ENTHD1: variants seen among roughly 807,000 people sequenced by gnomAD.
ENTHD1 encodes ENTH domain-containing protein 1.
Under a neutral mutation model 39.1 loss-of-function variants are expected in ENTHD1, and 23 were observed. That is an observed-to-expected ratio of 0.59 (90% CI 0.42 to 0.83). ENTHD1 has a LOEUF of 0.83. ENTHD1 is among the 40% of genes least tolerant of loss of function. The probability of loss-of-function intolerance (pLI) is 0.00; values close to 1 mark genes in which losing one functional copy is unlikely to be tolerated. For synonymous variants in ENTHD1, 230 were observed against 258.2 expected, an observed-to-expected ratio of 0.89 and a Z score of 1.05; for missense variants, 624 against 705.4, an observed-to-expected ratio of 0.88 and a Z score of 1.31.
chr22:39,769,287 C>T (rs952712576), intron 5 of ENTHD1, among the ~76,000 whole-genome samples: 6 of 152,000 alleles, frequency 3.9e-5, no homozygotes, highest in African/African-American at 1.5e-4. Flanking sequence ...GACTTGGATG[C>T]AAGTAATTTG....
chr22:39,847,626 A>G (rs1293670948), intron 3 of ENTHD1, among the ~76,000 whole-genome samples: 1 of 151,880 alleles, frequency 6.6e-6, no homozygotes. Flanking sequence ...TCCTGGGCTC[A>G]AGAAATCCTT....
In ENTHD1 at chr22:39,868,819, A is replaced by C. The variant is rs577311541; in HGVS notation, c.350-6812T>G. On this transcript the variant is annotated intron_variant, in intron 2 of 6. Transcript: ENST00000325157. ...CAACTAAAAAATGGGCAAAACATGC[A>C]CAGATACTTCTCAAAAGACATACAA... 2.0e-5 allele frequency among the ~76,000 whole-genome samples: 3 copies of C among 152,364 alleles called. No individual in the cohort carries two copies. In the South Asian group the frequency reaches 6.2e-4, roughly 32 times the overall value.
intron 5 of ENTHD1, among the ~76,000 whole-genome samples, chr22:39,776,530 C>A (rs1035580904): frequency 6.6e-6 from 1 of 152,142 alleles, no homozygotes; most frequent in African/African-American, 2.4e-5. Flanking sequence ...TTGACTGATG[C>A]AAAATGGGAC....
intron 6 of ENTHD1, among the ~76,000 whole-genome samples, chr22:39,746,540 T>C (rs895921513): frequency 6.6e-6 from 1 of 152,216 alleles, no homozygotes; most frequent in Non-Finnish European, 1.5e-5. Flanking sequence ...TATGTTTAAG[T>C]GTGGAGGATT....
intron 1 of ENTHD1, among the ~76,000 whole-genome samples, chr22:39,890,232 T>C (rs1453123368): frequency 6.6e-6 from 1 of 152,026 alleles, no homozygotes; most frequent in African/African-American, 2.4e-5. Flanking sequence ...AAAGAGAAGT[T>C]GTGTTTCTAC....
At chr22:39,882,390 G>A (rs1383086040) in intron 2 of ENTHD1, among the ~76,000 whole-genome samples, 2 of 152,170 alleles carry the variant, frequency 1.3e-5, no homozygotes, top group East Asian at 1.9e-4. Context: ...CATGGACAGC[G>A]ATAAAAAAAT....
chr22:39,856,789 G>C (rs528499964), intron 3 of ENTHD1, among the ~76,000 whole-genome samples: 14 of 150,574 alleles, frequency 9.3e-5, no homozygotes, highest in East Asian at 5.9e-4. Flanking sequence ...GTAGTTCAAG[G>C]CTGCAGTGAG....
At chr22:39,750,162 G>T in intron 6 of ENTHD1, 1 of 209,284 alleles carries the variant, frequency 4.8e-6, no homozygotes, top group South Asian at 9.2e-5. Context: ...AGGTTTTGCT[G>T]ATTTGGGAAA....
At chr22:39,844,711 T>A (rs2065973102) in intron 3 of ENTHD1, among the ~76,000 whole-genome samples, 1 of 152,002 alleles carries the variant, frequency 6.6e-6, no homozygotes, top group Non-Finnish European at 1.5e-5. Flanking sequence ...ACTGGTAAGA[T>A]GACAAAAATC....
Position 39,844,903 on chromosome 22 carries a change from C to T in ENTHD1, c.593-8945G>A, listed in dbSNP as rs184179292. Among the ~76,000 whole-genome samples the T allele has an allele frequency of 7.9e-5, 12 of 152,066 alleles. No individual in the cohort carries two copies. In the East Asian group the frequency reaches 1.2e-3, roughly 15 times the overall value. On this transcript the variant is annotated intron_variant, in intron 3 of 6. Transcript: ENST00000325157. ...AGCTACAGTTTGACACTGAATTGGG[C>T]GAAGGATCTAAAGCTTGAAGGCATC...
intron 2 of ENTHD1, among the ~76,000 whole-genome samples, chr22:39,868,973 G>A (rs867591366): frequency 6.6e-6 from 1 of 152,158 alleles, no homozygotes; most frequent in Admixed American, 6.5e-5. Flanking sequence ...AAAAACAACA[G>A]ATGCTGGTAA....
At chr22:39,751,223 C>A in intron 6 of ENTHD1, 2 of 154,320 alleles carry the variant, frequency 1.3e-5, no homozygotes, top group South Asian at 3.8e-4. Flanking sequence ...ATTTCTCAGT[C>A]AGAAGGACAG....
At chr22:39,770,646 C>A (rs752710401) in intron 5 of ENTHD1, among the ~76,000 whole-genome samples, 2 of 152,240 alleles carry the variant, frequency 1.3e-5, no homozygotes, top group Middle Eastern at 6.8e-3. Context: ...ATATAAGTTA[C>A]CAGTTTGATT....
intron 3 of ENTHD1, among the ~76,000 whole-genome samples, chr22:39,840,918 A>T (rs2065939439): frequency 6.6e-6 from 1 of 151,952 alleles, no homozygotes; most frequent in Non-Finnish European, 1.5e-5. Context: ...GCCCCTGGCT[A>T]ATTTTTTGTA....
intron 2 of ENTHD1, among the ~76,000 whole-genome samples, chr22:39,879,712 T>C (rs561565503): frequency 5.3e-5 from 8 of 152,214 alleles, no homozygotes; most frequent in African/African-American, 1.9e-4. Context: ...AAAAGACAGT[T>C]TGGCAGTTTC....
At chr22:39,826,680 A>G (rs1256870730) in intron 4 of ENTHD1, among the ~76,000 whole-genome samples, 1 of 152,108 alleles carries the variant, frequency 6.6e-6, no homozygotes, top group Middle Eastern at 3.2e-3. Flanking sequence ...GGTGATTACA[A>G]TATGTTAATG....
At chr22:39,747,679 T>C (rs1205306466) in intron 6 of ENTHD1, among the ~76,000 whole-genome samples, 1 of 152,064 alleles carries the variant, frequency 6.6e-6, no homozygotes, top group African/African-American at 2.4e-5. Context: ...TATATCTAAT[T>C]ATTTGAAGAC....
At chr22:39,849,469 C>T (rs887660837) in intron 3 of ENTHD1, among the ~76,000 whole-genome samples, 1 of 152,124 alleles carries the variant, frequency 6.6e-6, no homozygotes, top group Admixed American at 6.5e-5. Flanking sequence ...AGTACCAAGG[C>T]TGAGAAACCC....
intron 5 of ENTHD1, among the ~76,000 whole-genome samples, chr22:39,819,008 T>C (rs2065756606): frequency 6.6e-6 from 1 of 152,178 alleles, no homozygotes; most frequent in Non-Finnish European, 1.5e-5. Context: ...TGGTACATTC[T>C]ATTCAGCATT....
Sources: allele counts gnomAD v4.1 joint callset (sites outside exome capture counted in the v4.1 genomes callset), GRCh38; gene constraint gnomAD v4.1.1; transcripts MANE v1.5; gene names NCBI Gene and HGNC (gene_info 2026-07-23, HGNC 2026-07-21).